Variants in VWDE observed in about 807,000 individuals in gnomAD.
VWDE encodes von Willebrand factor D and EGF domains, also known as von Willebrand factor D and EGF domain-containing protein.
Under a neutral mutation model 178.4 loss-of-function variants are expected in VWDE, and 207 were observed. That is an observed-to-expected ratio of 1.16 (90% CI 1.04 to 1.30). The LOEUF (loss-of-function observed/expected upper bound fraction) is 1.30, where lower values mean the gene tolerates loss of function less well. VWDE is among the 50% of genes most tolerant of loss of function. The pLI, the probability that VWDE is intolerant of heterozygous loss-of-function variation, is 0.00. For missense variants in VWDE, 2,287 were observed against 1,901.3 expected (o/e 1.20, Z -3.77); for synonymous variants, 738 against 651.4 (o/e 1.13, Z -2.02).
chr7:12,345,576 A>G (rs971733796), intron 19 of VWDE, among the ~76,000 whole-genome samples: 1 of 152,168 alleles, frequency 6.6e-6, no homozygotes, highest in African/African-American at 2.4e-5. Flanking sequence ...ACACAAACTC[A>G]TCTTCATACT....
At chr7:12,372,891 A>C in intron 10 of VWDE, 86 bp downstream of exon 10, 1 of 1,324,436 alleles carries the variant, frequency 7.6e-7, no homozygotes, top group South Asian at 1.4e-5. Context: ...CTAATGTTGA[A>C]AAATGATAGC....
chr7:12,361,143 A>G lies in VWDE; in HGVS notation c.3159+4T>C, dbSNP rs749689469. On this transcript the variant is annotated splice_donor_region_variant and intron_variant, in intron 15 of 28. Coordinates refer to ENST00000275358, the MANE Select transcript of VWDE (RefSeq NM_001135924.3). Reference sequence around the variant, plus strand: ...ATGTGAAAATACATGAAAAAAATACATACCTTTATAGTACATGAGTCATTT... The same window carrying G: ...ATGTGAAAATACATGAAAAAAATACGTACCTTTATAGTACATGAGTCATTT... 1 of 1,481,602 alleles carries G rather than the reference A, an allele frequency of 6.7e-7. No homozygotes were observed. The highest frequency in any genetic ancestry group is 9.2e-7 in the Non-Finnish European group (1 of 1,091,358). The allele number at this position is 1,481,602 out of a possible 1,614,324, so 91.8% of individuals were successfully genotyped here. A position where few individuals can be genotyped will look rare whatever the true frequency, so the allele number is the denominator to read the frequency against.
chr7:12,336,365 C>A, intron 26 of VWDE, 129 bp from the exon 27 acceptor site: 1 of 738,390 alleles, frequency 1.4e-6, no homozygotes, highest in Non-Finnish European at 2.2e-6. Flanking sequence ...AAATTTTTCC[C>A]TAATATTTTA....
chr7:12,359,088 T>C (rs1046897237), intron 16 of VWDE, among the ~76,000 whole-genome samples: 4 of 152,206 alleles, frequency 2.6e-5, no homozygotes, highest in African/African-American at 9.6e-5. Context: ...GGAACCAACA[T>C]AGCTCTATTT....
chr7:12,389,294 G>C lies in VWDE; in HGVS notation c.308C>G (p.Ser103Cys). 1 of 1,551,602 alleles carries C rather than the reference G, an allele frequency of 6.4e-7. No individual in the cohort carries two copies. The highest frequency in any genetic ancestry group is 8.7e-7 in the Non-Finnish European group (1 of 1,146,916). The change falls in exon 3 of 29, where the codon TCT (serine) becomes TGT (cysteine). Residue 103 changes from serine (S) to cysteine (C), a missense_variant. Ser to Cys is a moderately radical substitution (Grantham distance 112, BLOSUM62 -1). Transcript: ENST00000275358. ...LSLRDSETLP[S>C]PGEIKQLTAC... ...TGTCAATTGCTTGATCTCCCCAGGA[G>C]ATGGCAGTGTTTCTGAATCTCTCAG...
intron 4 of VWDE, among the ~76,000 whole-genome samples, chr7:12,382,087 T>C (rs894329913): frequency 6.6e-6 from 1 of 151,930 alleles, no homozygotes; most frequent in South Asian, 2.1e-4. Context: ...AATATATTAA[T>C]ACATTTTCCA....
Position 12,380,683 on chromosome 7 carries a change from G to C in VWDE, c.592C>G (p.Leu198Val). ...AGCCTGGACTCAATCAACTCCACCA[G>C]AACCTCTGGCCTTCCTGCAGGTGGA... ...PPPPAGRPEVLVELIESRLFC... is the reference protein window; with the variant it reads ...PPPPAGRPEVVVELIESRLFC... Residue 198 changes from leucine to valine, a missense_variant, in exon 5 of 29, where the codon CTG becomes GTG. By Grantham distance (32) the Leu-to-Val change is conservative. Transcript: ENST00000275358. 1 of 1,551,992 alleles carries C rather than the reference G, an allele frequency of 6.4e-7. No individual in the cohort carries two copies. Among genetic ancestry groups the C allele is most frequent in the South Asian group, 1.2e-5 (1 of 84,050 alleles).
intron 23 of VWDE, 105 bp downstream of exon 23, chr7:12,341,954 C>T: frequency 2.6e-6 from 2 of 780,826 alleles, no homozygotes; most frequent in Non-Finnish European, 4.1e-6. Flanking sequence ...ACCTATCTAC[C>T]TGTCTTGTCA....
chr7:12,401,926 A>G (rs944985042), intron 1 of VWDE, among the ~76,000 whole-genome samples: 4 of 152,214 alleles, frequency 2.6e-5, no homozygotes, highest in African/African-American at 7.2e-5. Context: ...CATACAAAAT[A>G]TAGTATATCC....
At chr7:12,372,798 ATGT>A (rs1398192091) in intron 10 of VWDE, among the ~76,000 whole-genome samples, 176 bp downstream of exon 10, 3 of 152,106 alleles carry the variant, frequency 2.0e-5, no homozygotes, top group Non-Finnish European at 4.4e-5. Flanking sequence ...GGTTTTAATG[ATGT>A]TGTGTCTATT....
rs186720200 is a variant in VWDE at position 12,338,529 on chromosome 7, T to C, written c.4367-1257A>G. Among the ~76,000 whole-genome samples the C allele has an allele frequency of 1.5e-3, 221 of 152,232 alleles. 5 individuals carry two copies. Among genetic ancestry groups the C allele is most frequent in the Admixed American group, 0.014 (218 of 15,276 alleles). ...GCTATAATTAATCATCCACAAAAACTTGAAGTGTAGAAATAAATTATTTAT... is the reference window on the plus strand; with the variant it reads ...GCTATAATTAATCATCCACAAAAACCTGAAGTGTAGAAATAAATTATTTAT... On this transcript the variant is annotated intron_variant, in intron 24 of 28. Coordinates refer to ENST00000275358, the MANE Select transcript of VWDE (RefSeq NM_001135924.3).
intron 2 of VWDE, among the ~76,000 whole-genome samples, chr7:12,392,229 T>C (rs1784419859): frequency 6.6e-6 from 1 of 152,194 alleles, no homozygotes; most frequent in Admixed American, 6.5e-5. Flanking sequence ...CTGAGAGAAC[T>C]AGTGAGTTTA....
chr7:12,341,610 C>T lies in VWDE; in HGVS notation c.4270+449G>A, dbSNP rs527696563. 6.8e-5 allele frequency among the ~76,000 whole-genome samples: 10 copies of T among 147,212 alleles called. No individual in the cohort carries two copies. The South Asian group carries it at 1.1e-3, about 16-fold the overall frequency. ...TCGCCCCACTGCACTCCAGCCTGGG[C>T]GACAGAGTGAGACTCTGTCTAAATG... On this transcript the variant is annotated intron_variant, in intron 23 of 28. Coordinates refer to ENST00000275358, the MANE Select transcript of VWDE (RefSeq NM_001135924.3).
In VWDE at chr7:12,389,339, T is replaced by G. The variant is rs1489137818; in HGVS notation, c.263A>C (p.Gln88Pro). The change falls in exon 3 of 29, where the codon CAG (glutamine) becomes CCG (proline). Residue 88 changes from glutamine to proline, a missense_variant. By Grantham distance (76) the Gln-to-Pro change is moderately conservative. Transcript: ENST00000275358. ...TCTCAGAGACAGCCAGATGGGGGCC[T>G]GAGTTCCACAATGGTTCATCTTTTG... ...KCVEMNHCGT[Q>P]APIWLSLRDS... The G allele has an allele frequency of 6.5e-7, 1 of 1,547,462 alleles. No homozygotes were observed. Among genetic ancestry groups the G allele is most frequent in the Admixed American group, 2.0e-5 (1 of 50,894 alleles).
intron 27 of VWDE, among the ~76,000 whole-genome samples, chr7:12,334,285 T>G (rs1780890862): frequency 6.6e-6 from 1 of 152,218 alleles, no homozygotes; most frequent in Admixed American, 6.5e-5. Flanking sequence ...TTAAATTTTG[T>G]TTTTAAACAA....
intron 24 of VWDE, among the ~76,000 whole-genome samples, chr7:12,338,042 G>C (rs868055379): frequency 2.4e-4 from 37 of 152,030 alleles, no homozygotes; most frequent in Middle Eastern, 3.2e-3. Flanking sequence ...ATAAATGTTA[G>C]TTTGTATTTT....
At chr7:12,400,169 T>A (rs745364297) in intron 1 of VWDE, among the ~76,000 whole-genome samples, 5 of 151,786 alleles carry the variant, frequency 3.3e-5, no homozygotes, top group African/African-American at 7.3e-5. Context: ...ACTGTAAAAA[T>A]AAGAGCATTC....
chr7:12,393,862 AC>A, intron 1 of VWDE, 84 bp from the exon 2 acceptor site: 2 of 1,224,014 alleles, frequency 1.6e-6, no homozygotes, highest in Non-Finnish European at 2.2e-6. Flanking sequence ...GATTCCCAAA[AC>A]AAAAAATAAA....
chr7:12,331,596 T>A (rs574584463), intron 28 of VWDE, among the ~76,000 whole-genome samples: 16 of 152,312 alleles, frequency 1.1e-4, no homozygotes, highest in African/African-American at 3.4e-4. Flanking sequence ...TGGATGTAAT[T>A]AGTTACAAAC....
Sources: allele counts gnomAD v4.1 joint callset (sites outside exome capture counted in the v4.1 genomes callset), GRCh38; gene constraint gnomAD v4.1.1; transcripts MANE v1.5; gene names NCBI Gene and HGNC (gene_info 2026-07-23, HGNC 2026-07-21).